NXPH1: variants seen among roughly 807,000 people sequenced by gnomAD.
NXPH1 encodes neurexophilin 1, also known as neurexophilin-1.
A neutral mutation model predicts 23.7 loss-of-function variants in NXPH1; 5 were observed. The observed-to-expected ratio is 0.21, with a 90% confidence interval of 0.11 to 0.44. NXPH1 has a LOEUF of 0.44. Among genes scored for constraint, NXPH1 ranks in the 20% least tolerant of loss-of-function variants. NXPH1 has a pLI of 0.99. For missense variants in NXPH1, 324 were observed against 321.6 expected, an observed-to-expected ratio of 1.01 and a Z score of -0.06; for synonymous variants, 144 against 122.2, an observed-to-expected ratio of 1.18 and a Z score of -1.18.
chr7:8,701,911 T>A (rs1206492734), intron 2 of NXPH1, among the ~76,000 whole-genome samples: 1 of 152,070 alleles, frequency 6.6e-6, no homozygotes, highest in Non-Finnish European at 1.5e-5. Context: ...AAGTCTCTGA[T>A]AAGCATCTAG....
At chr7:8,546,707 G>T (rs1007706321) in intron 2 of NXPH1, among the ~76,000 whole-genome samples, 19 of 151,310 alleles carry the variant, frequency 1.3e-4, no homozygotes, top group Admixed American at 9.2e-4. Context: ...TCATCTCCCA[G>T]TGACCCCTCT....
intron 2 of NXPH1, among the ~76,000 whole-genome samples, chr7:8,512,557 A>G (rs559244391): frequency 2.6e-5 from 4 of 152,136 alleles, no homozygotes; most frequent in Non-Finnish European, 5.9e-5. Context: ...AGTGGTTCGT[A>G]TTTGAATCAT....
At chr7:8,552,701 C>T (rs138409472) in intron 2 of NXPH1, among the ~76,000 whole-genome samples, 1 of 151,566 alleles carries the variant, frequency 6.6e-6, no homozygotes, top group African/African-American at 2.4e-5. Flanking sequence ...CAGAAAAATA[C>T]TCAGTTTGTT....
chr7:8,459,937 C>G (rs1584169147), intron 2 of NXPH1, among the ~76,000 whole-genome samples: 1 of 152,124 alleles, frequency 6.6e-6, no homozygotes, highest in South Asian at 2.1e-4. Flanking sequence ...GGTGCTTAGC[C>G]AAACTGAGCT....
At chr7:8,660,305 G>A (rs1055900231) in intron 2 of NXPH1, among the ~76,000 whole-genome samples, 4 of 152,150 alleles carry the variant, frequency 2.6e-5, no homozygotes, top group Non-Finnish European at 4.4e-5. Context: ...ATCAGGGGTG[G>A]TGAGAGGATT....
intron 2 of NXPH1, among the ~76,000 whole-genome samples, chr7:8,534,618 CT>C (rs1563338514): frequency 6.6e-6 from 1 of 152,012 alleles, no homozygotes; most frequent in Non-Finnish European, 1.5e-5. Context: ...GAAGAAAAGC[CT>C]TTTATTTATC....
rs149216762 is a variant in NXPH1 at position 8,621,692 on chromosome 7, A to G, written c.55-129316A>G. On this transcript the variant is annotated intron_variant, in intron 2 of 2. Transcript: ENST00000405863. ...GTAGAGACAGGGTTTCACCATGTTG[A>G]CAAGGCTAGTCTCAAACTCCTGACC... Among the ~76,000 whole-genome samples the G allele has an allele frequency of 3.8e-3, 581 of 152,038 alleles. 3 individuals are homozygous for G. Among genetic ancestry groups the G allele is most frequent in the African/African-American group, 0.013 (535 of 41,488 alleles).
chr7:8,630,798 A>G (rs1049671133), intron 2 of NXPH1, among the ~76,000 whole-genome samples: 1 of 152,152 alleles, frequency 6.6e-6, no homozygotes, highest in African/African-American at 2.4e-5. Flanking sequence ...CTTTAAGTTC[A>G]GGGGTATAAG....
intron 2 of NXPH1, among the ~76,000 whole-genome samples, chr7:8,747,233 C>A (rs1005020467): frequency 2.0e-5 from 3 of 152,192 alleles, no homozygotes; most frequent in African/African-American, 7.2e-5. Context: ...TTCAGGCAGT[C>A]TGACTCCAGA....
chr7:8,742,539 T>C (rs1780385027), intron 2 of NXPH1, among the ~76,000 whole-genome samples: 1 of 143,496 alleles, frequency 7.0e-6, no homozygotes, highest in African/African-American at 2.4e-5. Context: ...CTGAATATAC[T>C]AGCTGAGATG....
intron 2 of NXPH1, among the ~76,000 whole-genome samples, chr7:8,657,778 A>G (rs1408011765): frequency 6.6e-6 from 1 of 152,266 alleles, no homozygotes; most frequent in Non-Finnish European, 1.5e-5. Flanking sequence ...CTGTAATCCC[A>G]GCACTTTGGG....
chr7:8,459,903 C>G (rs1417370166), intron 2 of NXPH1, among the ~76,000 whole-genome samples: 1 of 152,132 alleles, frequency 6.6e-6, no homozygotes, highest in African/African-American at 2.4e-5. Context: ...AAAATAAAAG[C>G]AAACACGAGT....
intron 2 of NXPH1, among the ~76,000 whole-genome samples, chr7:8,448,196 A>G (rs770849546): frequency 4.6e-5 from 7 of 152,190 alleles, no homozygotes; most frequent in Non-Finnish European, 1.0e-4. Flanking sequence ...GGCTGACAAT[A>G]CCTCCCACCC....
chr7:8,639,491 C>A (rs1442876306), intron 2 of NXPH1, among the ~76,000 whole-genome samples: 1 of 152,084 alleles, frequency 6.6e-6, no homozygotes, highest in Admixed American at 6.5e-5. Context: ...TCTCTATATA[C>A]TTTCAAATTT....
At chr7:8,618,142 A>C (rs1305781099) in intron 2 of NXPH1, among the ~76,000 whole-genome samples, 1 of 152,138 alleles carries the variant, frequency 6.6e-6, no homozygotes, top group Non-Finnish European at 1.5e-5. Flanking sequence ...TCCAACCTAC[A>C]TCTTTTCTTT....
At chr7:8,687,172 C>G (rs1821159581) in intron 2 of NXPH1, among the ~76,000 whole-genome samples, 1 of 152,082 alleles carries the variant, frequency 6.6e-6, no homozygotes, top group Non-Finnish European at 1.5e-5. Context: ...AGTGCAGAGG[C>G]TCTCAGGATA....
intron 2 of NXPH1, among the ~76,000 whole-genome samples, chr7:8,696,033 T>C (rs1044125019): frequency 1.2e-4 from 19 of 152,248 alleles, no homozygotes; most frequent in African/African-American, 4.3e-4. Flanking sequence ...AAGTTTTGTT[T>C]CATATTAAAA....
chr7:8,604,180 T>A (rs1374931295), intron 2 of NXPH1, among the ~76,000 whole-genome samples: 1 of 152,206 alleles, frequency 6.6e-6, no homozygotes, highest in African/African-American at 2.4e-5. Context: ...ACTTGGTACA[T>A]TTAGAATGAT....
At chr7:8,602,877 G>A (rs959743913) in intron 2 of NXPH1, among the ~76,000 whole-genome samples, 5 of 151,994 alleles carry the variant, frequency 3.3e-5, no homozygotes, top group Admixed American at 2.6e-4. Context: ...TGCCCAGGCT[G>A]GAGTGCAGTG....
Sources: gnomAD v4.1 joint callset for allele counts (sites outside exome capture counted in the v4.1 genomes callset) on GRCh38, gnomAD v4.1.1 for gene constraint, MANE v1.5 for transcripts, NCBI Gene and HGNC (gene_info 2026-07-23, HGNC 2026-07-21) for gene names.